Variants in LAMC1 observed in about 807,000 individuals in gnomAD.
LAMC1 encodes laminin subunit gamma 1.
A neutral mutation model predicts 173.6 loss-of-function variants in LAMC1; 38 were observed. The observed-to-expected ratio is 0.22, with a 90% confidence interval of 0.17 to 0.29. The LOEUF is 0.29. LAMC1 is among the 10% of genes least tolerant of loss of function. The pLI, the probability that LAMC1 is intolerant of heterozygous loss-of-function variation, is 1.00. For synonymous variants in LAMC1, 746 were observed against 749.1 expected (o/e 1.00, Z 0.07); for missense variants, 1,824 against 2,051.8 (o/e 0.89, Z 2.14).
chr1:183,049,800 C>T (rs1654366601), intron 1 of LAMC1, among the ~76,000 whole-genome samples: 2 of 147,974 alleles, frequency 1.4e-5, no homozygotes, highest in South Asian at 2.2e-4. Flanking sequence ...AAATACCATA[C>T]TCTCCCATTC....
At chr1:183,068,786 C>CA (rs1206031329) in intron 1 of LAMC1, among the ~76,000 whole-genome samples, 1 of 151,886 alleles carries the variant, frequency 6.6e-6, no homozygotes, top group Non-Finnish European at 1.5e-5. Flanking sequence ...ACTAAAAACA[C>CA]AAAAAATTAG....
chr1:183,138,264 A>G, intron 26 of LAMC1: 2 of 838,092 alleles, frequency 2.4e-6, no homozygotes, highest in Non-Finnish European at 2.9e-6. Context: ...CCCCACCAAA[A>G]CATATGAAAC....
intron 1 of LAMC1, among the ~76,000 whole-genome samples, chr1:183,092,344 A>G (rs1655585116): frequency 1.3e-5 from 2 of 152,000 alleles, no homozygotes; most frequent in Non-Finnish European, 2.9e-5. Context: ...AAAATTGCCT[A>G]TGGTGCTTTA....
At chr1:183,042,353 A>G (rs1473469696) in intron 1 of LAMC1, among the ~76,000 whole-genome samples, 3 of 152,194 alleles carry the variant, frequency 2.0e-5, no homozygotes, top group South Asian at 2.1e-4. Flanking sequence ...CCAAAGTGCC[A>G]TAACACCTGA....
Position 183,122,163 on chromosome 1 carries a change from A to G in LAMC1, c.2313A>G (p.Gln771=), listed in dbSNP as rs528660813. The change falls in exon 13 of 28, where the codon CAA becomes CAG. Residue 771 remains glutamine, a synonymous_variant. Transcript: ENST00000258341. ...DSTAGTSSDC[Q]PCPCPGGSSC... is the part of the protein sequence containing the mutation. ...CTGCAGGCACCTCCTCCGATTGCCAACCCTGTCCGTGTCCTGGAGGTTCAA... is the reference window on the plus strand; with the variant it reads ...CTGCAGGCACCTCCTCCGATTGCCAGCCCTGTCCGTGTCCTGGAGGTTCAA... The G allele has an allele frequency of 1.6e-4, 262 of 1,614,116 alleles. 3 individuals carry two copies. The South Asian group carries it at 2.0e-3, about 12-fold the overall frequency.
chr1:183,040,022 G>A (rs1036183197), intron 1 of LAMC1, among the ~76,000 whole-genome samples: 2 of 152,222 alleles, frequency 1.3e-5, no homozygotes, highest in African/African-American at 4.8e-5. Flanking sequence ...GACTGTTGGT[G>A]AGGGTGGTGT....
At chr1:183,086,559 A>G (rs982002136) in intron 1 of LAMC1, among the ~76,000 whole-genome samples, 1 of 152,222 alleles carries the variant, frequency 6.6e-6, no homozygotes, top group African/African-American at 2.4e-5. Context: ...CATCTTTTGT[A>G]GACACAGAAA....
chr1:183,061,261 T>C (rs1373868123), intron 1 of LAMC1, among the ~76,000 whole-genome samples: 1 of 152,154 alleles, frequency 6.6e-6, no homozygotes, highest in Admixed American at 6.5e-5. Context: ...TAGTCTTTGG[T>C]TATTAGTGTG....
chr1:183,045,014 C>T (rs1206624004), intron 1 of LAMC1, among the ~76,000 whole-genome samples: 1 of 151,350 alleles, frequency 6.6e-6, no homozygotes, highest in African/African-American at 2.4e-5. Context: ...ATTCTTAATA[C>T]TGATTTCCAG....
At chr1:183,052,228 T>C (rs1654445987) in intron 1 of LAMC1, among the ~76,000 whole-genome samples, 2 of 152,156 alleles carry the variant, frequency 1.3e-5, no homozygotes, top group South Asian at 2.1e-4. Flanking sequence ...TTCTGTTCTG[T>C]CTTTCACAAT....
Position 183,034,040 on chromosome 1 carries a change from A to G in LAMC1, c.418+9906A>G, listed in dbSNP as rs1653911315. On this transcript the variant is annotated intron_variant, in intron 1 of 27. Coordinates refer to ENST00000258341, the MANE Select transcript of LAMC1 (RefSeq NM_002293.4). The stretch of plus-strand genomic sequence containing the variant: ...CTATGAAATATTTCCAGTGATCTGA[A>G]AAGATCTACCCACTTAAAATGAGAT... Among the ~76,000 whole-genome samples, 4 of 151,910 alleles carry G rather than the reference A, an allele frequency of 2.6e-5. No homozygotes were observed. In the South Asian group the frequency reaches 8.3e-4, roughly 32 times the overall value.
chr1:183,091,381 A>G (rs1164313173), intron 1 of LAMC1, among the ~76,000 whole-genome samples: 1 of 152,056 alleles, frequency 6.6e-6, no homozygotes, highest in Admixed American at 6.6e-5. Context: ...AGTGTAAAGC[A>G]TTGTTTACAA....
chr1:183,050,845 C>T lies in LAMC1; in HGVS notation c.418+26711C>T, dbSNP rs559896823. Among the ~76,000 whole-genome samples the T allele has an allele frequency of 1.1e-4, 15 of 140,688 alleles. No individual in the cohort carries two copies. In the South Asian group the frequency reaches 2.5e-3, roughly 24 times the overall value. 92.3% of individuals were successfully genotyped at this position (140,688 alleles called of 152,430 possible). ...GGTGGAGGTTGCAATGAGCCAAGATCGTGCTGTTGCATTCCAGCCTGGGCA... is the reference window on the plus strand; with the variant it reads ...GGTGGAGGTTGCAATGAGCCAAGATTGTGCTGTTGCATTCCAGCCTGGGCA... On this transcript the variant is annotated intron_variant, in intron 1 of 27. Coordinates refer to ENST00000258341, the MANE Select transcript of LAMC1 (RefSeq NM_002293.4).
chr1:183,057,447 A>T (rs1485401658), intron 1 of LAMC1, among the ~76,000 whole-genome samples: 1 of 152,170 alleles, frequency 6.6e-6, no homozygotes, highest in Non-Finnish European at 1.5e-5. Flanking sequence ...ATCCCAAACC[A>T]TATAGAAATT....
chr1:183,080,963 A>G (rs1259421888), intron 1 of LAMC1, among the ~76,000 whole-genome samples: 1 of 152,084 alleles, frequency 6.6e-6, no homozygotes, highest in African/African-American at 2.4e-5. Context: ...ATCTTGGCTC[A>G]CTGCAACCCC....
chr1:183,110,098 G>T (rs1039076089), intron 3 of LAMC1, among the ~76,000 whole-genome samples: 10 of 152,110 alleles, frequency 6.6e-5, no homozygotes, highest in African/African-American at 2.4e-4. Flanking sequence ...TACAGGCGAG[G>T]CACAGAGGTT....
chr1:183,101,803 A>G (rs968846902), intron 1 of LAMC1, among the ~76,000 whole-genome samples: 1 of 152,166 alleles, frequency 6.6e-6, no homozygotes, highest in Non-Finnish European at 1.5e-5. Context: ...TTTATGTTGA[A>G]GCTAATGTGT....
At chr1:183,112,767 A>T (rs1656197591) in intron 4 of LAMC1, among the ~76,000 whole-genome samples, 1 of 152,164 alleles carries the variant, frequency 6.6e-6, no homozygotes, top group African/African-American at 2.4e-5. Context: ...TGAAGGAAGG[A>T]AAAGGGCACT....
rs554990394 is a variant in LAMC1 at position 183,133,406 on chromosome 1, G to A, written c.3705G>A (p.Lys1235=). 1.9e-6 allele frequency: 3 copies of A among 1,612,748 alleles called. 1 individual carries two copies. Among genetic ancestry groups the A allele is most frequent in the African/African-American group, 2.7e-5 (2 of 75,010 alleles). ...TAFEIEELNR[K]YEQAKNISQD... ...TTAAACCACATTATTTGTGTCTTAGGTATGAACAAGCGAAGAACATCTCAC... is the reference window on the plus strand; with the variant it reads ...TTAAACCACATTATTTGTGTCTTAGATATGAACAAGCGAAGAACATCTCAC... Residue 1235 remains lysine (K), a splice_region_variant and synonymous_variant, in exon 22 of 28, where the codon AAG becomes AAA. Coordinates refer to ENST00000258341, the MANE Select transcript of LAMC1 (RefSeq NM_002293.4).
Sources: allele counts gnomAD v4.1 joint callset (sites outside exome capture counted in the v4.1 genomes callset), GRCh38; gene constraint gnomAD v4.1.1; transcripts MANE v1.5; gene names NCBI Gene and HGNC (gene_info 2026-07-23, HGNC 2026-07-21).